PLOD1: variants seen among roughly 807,000 people sequenced by gnomAD.
PLOD1 encodes the protein lysine hydroxylase.
In PLOD1, 70 loss-of-function variants were observed where a neutral mutation model predicts 94.7. The observed-to-expected ratio is 0.74, with a 90% CI of 0.61 to 0.90. The LOEUF (loss-of-function observed/expected upper bound fraction) is 0.90, where lower values mean the gene tolerates loss of function less well. Ranked by LOEUF, PLOD1 falls within the 40% of genes least tolerant of loss-of-function variation. The pLI, the probability that PLOD1 is intolerant of heterozygous loss-of-function variation, is 0.00. For missense variants in PLOD1, 905 were observed against 972.7 expected (o/e 0.93, Z 0.93); for synonymous variants, 417 against 400.2 (o/e 1.04, Z -0.50).
rs371705121 is a variant in PLOD1 at position 11,966,355 on chromosome 1, G to A, written c.1650+39G>A. The A allele has an allele frequency of 1.1e-5, 16 of 1,461,074 alleles. No homozygotes were observed. The South Asian group carries it at 1.4e-4, about 13-fold the overall frequency. 90.5% of individuals were successfully genotyped at this position (1,461,074 alleles called of 1,614,324 possible). On this transcript the variant is annotated intron_variant, in intron 15 of 18. Transcript: ENST00000196061. The stretch of plus-strand genomic sequence containing the variant: ...ACACCCTCTTGGACCAGCCTTGCCT[G>A]CTGCAGGGGGCAGGGCACAGAAGGG...
intron 16 of PLOD1, among the ~76,000 whole-genome samples, chr1:11,967,615 A>ATATATATATATATATATATATAT (rs58447090): frequency 2.9e-5 from 3 of 103,974 alleles, no homozygotes; most frequent in Non-Finnish European, 5.7e-5. Context: ...ATATATATAT[A>ATATATATATATATATATATATAT]AAAAGAAATA....
Position 11,961,012 on chromosome 1 carries a change from AAG to A in PLOD1, c.1097+248_1097+249del, listed in dbSNP as rs199733836. ...TTGGGTTCAGGAAGCAAATCAGAGA[AAG>A]AGGAAGGACTGGGGGCAAAAGTAGA... is the stretch of plus-strand genomic sequence containing the variant. On this transcript the variant is annotated intron_variant, in intron 10 of 18. Transcript: ENST00000196061. Among the ~76,000 whole-genome samples, 270 of 152,212 alleles carry A rather than the reference AAG, an allele frequency of 1.8e-3. 2 individuals carry two copies. Among genetic ancestry groups the A allele is most frequent in the East Asian group, 0.017 (90 of 5,178 alleles).
intron 1 of PLOD1, among the ~76,000 whole-genome samples, chr1:11,946,478 TG>T (rs1280495470): frequency 1.3e-5 from 2 of 152,192 alleles, no homozygotes; most frequent in East Asian, 3.8e-4. Flanking sequence ...GCCTCAAGCA[TG>T]GTGTTGGGAG....
intron 11 of PLOD1, 55 bp from the exon 12 acceptor site, chr1:11,964,120 T>C: frequency 2.8e-5 from 45 of 1,588,578 alleles, no homozygotes; most frequent in Non-Finnish European, 3.8e-5. Context: ...TGGTTAGTGC[T>C]GTCTCCTACT....
intron 1 of PLOD1, among the ~76,000 whole-genome samples, chr1:11,946,618 A>G (rs1645656278): frequency 6.6e-6 from 1 of 152,192 alleles, no homozygotes; most frequent in Non-Finnish European, 1.5e-5. Flanking sequence ...ATTGTCTATC[A>G]TTGGCCAGAG....
At chr1:11,937,599 G>A (rs937304418) in intron 1 of PLOD1, among the ~76,000 whole-genome samples, 4 of 152,142 alleles carry the variant, frequency 2.6e-5, no homozygotes, top group African/African-American at 4.8e-5. Context: ...GAGAGAAACC[G>A]CAGCTGCCCA....
Position 11,967,152 on chromosome 1 carries a change from A to G in PLOD1, c.1755+61A>G. The G allele has an allele frequency of 4.6e-6, 5 of 1,094,856 alleles. No individual in the cohort carries two copies. In the South Asian group the frequency reaches 5.0e-5, roughly 11 times the overall value. 67.8% of individuals were successfully genotyped at this position (1,094,856 alleles called of 1,614,324 possible). ...GGCTGCCTCTCCATCAGTGCCGCTC[A>G]CTGTCTGGGGTCTTCTGGCAAGCTG... On this transcript the variant is annotated intron_variant, in intron 16 of 18. Transcript: ENST00000196061.
At chr1:11,959,773 G>A (rs1273819001) in intron 9 of PLOD1, among the ~76,000 whole-genome samples, 2 of 149,986 alleles carry the variant, frequency 1.3e-5, no homozygotes, top group Non-Finnish European at 3.0e-5. Context: ...GCCTGCCACC[G>A]TGCCTGGCTA....
intron 9 of PLOD1, 100 bp from the exon 10 acceptor site, chr1:11,960,546 A>T: frequency 1.1e-6 from 1 of 877,928 alleles, no homozygotes; most frequent in Non-Finnish European, 1.9e-6. Context: ...CCAGAGATGA[A>T]GGGGCACAGC....
intron 16 of PLOD1, 152 bp downstream of exon 16, chr1:11,967,243 G>A: frequency 1.6e-6 from 1 of 637,628 alleles, no homozygotes; most frequent in Admixed American, 2.5e-5. Context: ...AGGCAGGTAG[G>A]AGTAGAGGGA....
chr1:11,950,865 C>T (rs1645695979), intron 4 of PLOD1, among the ~76,000 whole-genome samples: 1 of 152,160 alleles, frequency 6.6e-6, no homozygotes, highest in African/African-American at 2.4e-5. Context: ...GGGATCTCAG[C>T]TCACTGCAGC....
intron 2 of PLOD1, 125 bp downstream of exon 2, chr1:11,948,192 G>C: frequency 1.3e-6 from 1 of 744,624 alleles, no homozygotes; most frequent in Non-Finnish European, 2.5e-6. Flanking sequence ...GCTTCTGGAA[G>C]CCTGAAGGAT....
rs1557498307 is a variant in PLOD1, at chr1:11,967,595, G to GAAATATATATAGATTTTATTTA, written c.1755+504_1755+505insAAATATATATAGATTTTATTTA. Among the ~76,000 whole-genome samples, 67 of 50,608 alleles carry GAAATATATATAGATTTTATTTA rather than the reference G, an allele frequency of 1.3e-3. 3 individuals are homozygous for GAAATATATATAGATTTTATTTA. The highest frequency in any genetic ancestry group is 4.4e-3 in the African/African-American group (40 of 9,116). The allele number at this position is 50,608 out of a possible 152,430, so 33.2% of individuals were successfully genotyped here. On this transcript the variant is annotated intron_variant, in intron 16 of 18. Transcript: ENST00000196061. The stretch of plus-strand genomic sequence containing the variant: ...TTTTTTTCTTTTCATGTGTGTGTGT[G>GAAATATATATAGATTTTATTTA]TGTATATATATATATATATAAAAAG...
intron 16 of PLOD1, among the ~76,000 whole-genome samples, chr1:11,968,658 C>T (rs529836310): frequency 2.0e-5 from 3 of 150,180 alleles, no homozygotes; most frequent in East Asian, 2.0e-4. Flanking sequence ...GGATTACAGG[C>T]GCCTGCCACC....
chr1:11,949,683 G>A (rs1256935692), intron 2 of PLOD1, 90 bp from the exon 3 acceptor site: 1 of 1,376,122 alleles, frequency 7.3e-7, no homozygotes, highest in Non-Finnish European at 1.0e-6. Context: ...GCCTCCCAAA[G>A]TGCTGGGATT....
chr1:11,970,000 G>A (rs975602875), intron 16 of PLOD1, among the ~76,000 whole-genome samples: 1 of 151,940 alleles, frequency 6.6e-6, no homozygotes, highest in Admixed American at 6.6e-5. Flanking sequence ...CAGCACTTTG[G>A]GAGGCCGAGG....
chr1:11,953,213 G>A (rs1417238343), intron 5 of PLOD1, among the ~76,000 whole-genome samples: 7 of 151,886 alleles, frequency 4.6e-5, no homozygotes, highest in Non-Finnish European at 7.4e-5. Context: ...GCACCACCAC[G>A]TTTGGCTGAT....
At chr1:11,973,933 G>A (rs541647001) in intron 18 of PLOD1, among the ~76,000 whole-genome samples, 91 of 152,232 alleles carry the variant, frequency 6.0e-4, no homozygotes, top group African/African-American at 2.2e-3. Flanking sequence ...AACTATGAGG[G>A]GCTACTGGCA....
In PLOD1 at chr1:11,957,503, G is replaced by A. The variant is rs981762598; in HGVS notation, c.742-339G>A. On this transcript the variant is annotated intron_variant, in intron 7 of 18. Transcript: ENST00000196061. This position sits in a 1 kb window ranked among gnomAD's most constrained non-coding sequence, Gnocchi z 4.1. The stretch of plus-strand genomic sequence containing the variant: ...GCATATTTGAGTGTGGTCCTTCACC[G>A]CTGGAATGAGGGAGAGGAAGGAGGA... Among the ~76,000 whole-genome samples, 1 of 152,192 alleles carries A rather than the reference G, an allele frequency of 6.6e-6. No individual in the cohort carries two copies. The highest frequency in any genetic ancestry group is 1.9e-4 in the East Asian group (1 of 5,196).
Sources: gnomAD v4.1 joint callset for allele counts (sites outside exome capture counted in the v4.1 genomes callset) on GRCh38, gnomAD v4.1.1 for gene constraint, Gnocchi (gnomAD v3.1) non-coding constraint, MANE v1.5 for transcripts, NCBI Gene and HGNC (gene_info 2026-07-23, HGNC 2026-07-21) for gene names.